CPVL: variants seen among roughly 807,000 people sequenced by gnomAD.
CPVL encodes the protein carboxypeptidase vitellogenic like.
Under a neutral mutation model 63.7 loss-of-function variants are expected in CPVL, and 51 were observed. The observed-to-expected ratio is 0.80, with a 90% CI of 0.64 to 1.01. The LOEUF is 1.01. CPVL is among the 50% of genes least tolerant of loss of function. The probability of loss-of-function intolerance (pLI) is 0.00; values close to 1 mark genes in which losing one functional copy is unlikely to be tolerated. For synonymous variants in CPVL, 195 were observed against 206.0 expected (o/e 0.95, Z 0.46); for missense variants, 530 against 573.1 (o/e 0.92, Z 0.77).
At chr7:29,040,654 T>C (rs1788976351) in intron 11 of CPVL, among the ~76,000 whole-genome samples, 1 of 152,086 alleles carries the variant, frequency 6.6e-6, no homozygotes, top group South Asian at 2.1e-4. Flanking sequence ...GACAAGAGAG[T>C]AAGTGAACTT....
At chr7:29,130,320 T>A (rs900863525) in intron 1 of CPVL, among the ~76,000 whole-genome samples, 4 of 152,198 alleles carry the variant, frequency 2.6e-5, no homozygotes, top group Admixed American at 2.6e-4. Context: ...ATCAAATATG[T>A]CTGGCATTAT....
At chr7:29,146,737 G>C (rs1235515020), upstream of CPVL, 4 of 1,550,446 alleles carry the variant, frequency 2.6e-6, no homozygotes, top group Non-Finnish European at 3.5e-6. Flanking sequence ...TCGGCGGGGT[G>C]CCATTCAGGT....
chr7:29,136,591 A>G (rs1791252838), intron 1 of CPVL, among the ~76,000 whole-genome samples: 1 of 152,214 alleles, frequency 6.6e-6, no homozygotes, highest in Admixed American at 6.5e-5. Flanking sequence ...GATTACTTGG[A>G]AATTTGGAAT....
At chr7:29,080,735 CA>C (rs1406492033) in intron 7 of CPVL, among the ~76,000 whole-genome samples, 8 of 151,402 alleles carry the variant, frequency 5.3e-5, no homozygotes, top group African/African-American at 1.9e-4. Context: ...CCACCTAACC[CA>C]ATGGGCCATG....
chr7:29,064,449 TC>T (rs1782952043), intron 10 of CPVL, among the ~76,000 whole-genome samples: 1 of 152,204 alleles, frequency 6.6e-6, no homozygotes, highest in South Asian at 2.1e-4. Context: ...CTTAAAATAC[TC>T]TTAAAATACC....
intron 7 of CPVL, among the ~76,000 whole-genome samples, chr7:29,080,019 G>A (rs1035606750): frequency 7.9e-5 from 12 of 152,110 alleles, no homozygotes; most frequent in African/African-American, 2.9e-4. Context: ...ACTGAGGAGA[G>A]GATGGCTGAG....
At chr7:29,068,179 TTGTG>T (rs1482773243) in intron 9 of CPVL, among the ~76,000 whole-genome samples, 2 of 150,990 alleles carry the variant, frequency 1.3e-5, no homozygotes, top group African/African-American at 4.9e-5. Context: ...TAATTTTTTT[TTGTG>T]TGTGTGTATT....
At chr7:29,069,354 T>C (rs1443191725) in intron 9 of CPVL, among the ~76,000 whole-genome samples, 2 of 147,136 alleles carry the variant, frequency 1.4e-5, no homozygotes, top group Non-Finnish European at 3.0e-5. Flanking sequence ...GGCAGGAGAA[T>C]GGCTTGAACC....
At chr7:29,163,782 CAATTAT>C (rs1795522110) in intron 5 of CPVL, among the ~76,000 whole-genome samples, 1 of 152,152 alleles carries the variant, frequency 6.6e-6, no homozygotes, top group Non-Finnish European at 1.5e-5. Context: ...TAAATAAATA[CAATTAT>C]ATTAATTGGT....
At chr7:29,070,571 G>A (rs981445958) in intron 9 of CPVL, among the ~76,000 whole-genome samples, 1 of 152,170 alleles carries the variant, frequency 6.6e-6, no homozygotes, top group Non-Finnish European at 1.5e-5. Context: ...TGTGCCCCAG[G>A]AGACCCCTCT....
chr7:29,037,782 A>G (rs1341966834), intron 11 of CPVL, among the ~76,000 whole-genome samples: 1 of 152,096 alleles, frequency 6.6e-6, no homozygotes, highest in African/African-American at 2.4e-5. Flanking sequence ...GAAGCTTATA[A>G]AAGTAGCCGA....
At chr7:29,001,679 C>G (rs1015095184) in intron 12 of CPVL, among the ~76,000 whole-genome samples, 1 of 152,140 alleles carries the variant, frequency 6.6e-6, no homozygotes, top group Admixed American at 6.5e-5. Context: ...CACTGTACAC[C>G]TCTGGTGTAG....
At chr7:29,001,229 A>G (rs1445836315) in intron 12 of CPVL, 2 of 152,202 alleles carry the variant, frequency 1.3e-5, no homozygotes, top group Non-Finnish European at 2.9e-5. Context: ...CAGATTTGCA[A>G]AGGTGGTGCT....
chr7:29,090,717 C>CA (rs1347830485), intron 6 of CPVL, among the ~76,000 whole-genome samples: 1 of 152,182 alleles, frequency 6.6e-6, no homozygotes, highest in Non-Finnish European at 1.5e-5. Flanking sequence ...ACCAGAGAGG[C>CA]ATTGTGACTA....
chr7:29,125,216 A>C (rs1789872144), intron 1 of CPVL: 1 of 152,100 alleles, frequency 6.6e-6, no homozygotes, highest in African/African-American at 2.4e-5. Flanking sequence ...CTAAATAAGG[A>C]ACCATATTTT....
At chr7:29,035,730 A>G (rs2128158965) in intron 11 of CPVL, among the ~76,000 whole-genome samples, 1 of 152,306 alleles carries the variant, frequency 6.6e-6, no homozygotes, top group Middle Eastern at 3.4e-3. Flanking sequence ...TAATGGTTTC[A>G]TGTGGTGCTG....
intron 12 of CPVL, among the ~76,000 whole-genome samples, chr7:29,026,001 A>G (rs1456938511): frequency 6.6e-6 from 1 of 152,206 alleles, no homozygotes; most frequent in African/African-American, 2.4e-5. Flanking sequence ...ATGTTATCCA[A>G]CTGCTACATA....
At chr7:29,148,983 A>G (rs1174070285), upstream of CPVL, among the ~76,000 whole-genome samples, 1 of 152,164 alleles carries the variant, frequency 6.6e-6, no homozygotes, top group East Asian at 1.9e-4. Flanking sequence ...GTGGCAGCAC[A>G]GGCAATGAGC....
intron 1 of CPVL, among the ~76,000 whole-genome samples, chr7:29,144,706 T>C (rs941939518): frequency 1.3e-5 from 2 of 152,198 alleles, no homozygotes; most frequent in Non-Finnish European, 2.9e-5. Flanking sequence ...ACACTCAGTG[T>C]TTCCTCTGAC....
Sources: gnomAD v4.1 joint callset for allele counts (sites outside exome capture counted in the v4.1 genomes callset) on GRCh38, gnomAD v4.1.1 for gene constraint, MANE v1.5 for transcripts, NCBI Gene and HGNC (gene_info 2026-07-23, HGNC 2026-07-21) for gene names.